Variants in GABRA2 observed in about 807,000 individuals in gnomAD.
The protein encoded by GABRA2 is gamma-aminobutyric acid receptor subunit alpha-2.
Under a neutral mutation model 48.7 loss-of-function variants are expected in GABRA2, and 16 were observed. The ratio of observed to expected loss-of-function variants is 0.33; its 90% CI spans 0.22 to 0.50. The LOEUF is 0.50. Ranked by LOEUF, GABRA2 falls within the 20% of genes least tolerant of loss-of-function variation. The probability of loss-of-function intolerance (pLI) is 0.98; values close to 1 mark genes in which losing one functional copy is unlikely to be tolerated. For synonymous variants in GABRA2, 185 were observed against 184.5 expected, an observed-to-expected ratio of 1.00 and a Z score of -0.02; for missense variants, 275 against 535.6, an observed-to-expected ratio of 0.51 and a Z score of 4.80.
chr4:46,251,871 A>T (rs111514005), intron 9 of GABRA2, among the ~76,000 whole-genome samples: 1,883 of 151,588 alleles, frequency 0.012, 45 homozygotes, highest in African/African-American at 0.043. Flanking sequence ...ATAATACATC[A>T]GTGAAATAAT....
chr4:46,374,983 T>C (rs1033591631), intron 3 of GABRA2, among the ~76,000 whole-genome samples: 3 of 152,100 alleles, frequency 2.0e-5, no homozygotes, highest in Non-Finnish European at 4.4e-5. Flanking sequence ...TATGAAACCA[T>C]TTTCAATTTT....
At chr4:46,313,692 G>T (rs1163865822) in intron 4 of GABRA2, among the ~76,000 whole-genome samples, 1 of 151,498 alleles carries the variant, frequency 6.6e-6, no homozygotes, top group African/African-American at 2.4e-5. Context: ...CAATCCATTG[G>T]ATATTAATTT....
chr4:46,322,148 G>T (rs1342119111), intron 4 of GABRA2, among the ~76,000 whole-genome samples: 2 of 151,828 alleles, frequency 1.3e-5, no homozygotes, highest in Non-Finnish European at 2.9e-5. Flanking sequence ...GTAGATCTTG[G>T]CCTGTCTCCA....
At chr4:46,381,116 T>A (rs1716697200) in intron 3 of GABRA2, among the ~76,000 whole-genome samples, 1 of 152,172 alleles carries the variant, frequency 6.6e-6, no homozygotes, top group African/African-American at 2.4e-5. Flanking sequence ...CCAGGCTGAA[T>A]CTATAATTTA....
chr4:46,260,768 C>G (rs1396957129), intron 9 of GABRA2: 1 of 151,748 alleles, frequency 6.6e-6, no homozygotes, highest in Admixed American at 6.6e-5. Context: ...CAAAATGGAC[C>G]AGATTCCTTT....
At chr4:46,374,382 T>C (rs1348997711) in intron 3 of GABRA2, among the ~76,000 whole-genome samples, 1 of 152,170 alleles carries the variant, frequency 6.6e-6, no homozygotes, top group Non-Finnish European at 1.5e-5. Context: ...TCTAAAAGCA[T>C]CTGATCCCTT....
chr4:46,384,155 G>T (rs1211900964), intron 3 of GABRA2, among the ~76,000 whole-genome samples: 1 of 152,126 alleles, frequency 6.6e-6, no homozygotes, highest in Non-Finnish European at 1.5e-5. Context: ...AGACCTGTCT[G>T]CCTCCAAGGA....
intron 4 of GABRA2, among the ~76,000 whole-genome samples, chr4:46,323,905 G>GA (rs1294210001): frequency 6.6e-6 from 1 of 151,768 alleles, no homozygotes; most frequent in African/African-American, 2.4e-5. Context: ...ACAAGAACAG[G>GA]AAAAAACATG....
chr4:46,379,444 C>A (rs559516096), intron 3 of GABRA2, among the ~76,000 whole-genome samples: 1 of 152,292 alleles, frequency 6.6e-6, no homozygotes, highest in South Asian at 2.1e-4. Flanking sequence ...TGATATCAGT[C>A]ATTTACACTT....
intron 9 of GABRA2, among the ~76,000 whole-genome samples, chr4:46,253,351 A>C (rs550278342): frequency 1.7e-3 from 263 of 151,518 alleles, no homozygotes; most frequent in Non-Finnish European, 3.2e-3. Context: ...TACTCTGACC[A>C]ATCAGAACTG....
intron 8 of GABRA2, among the ~76,000 whole-genome samples, chr4:46,262,759 G>A (rs493592): frequency 0.63 from 95,175 of 151,704 alleles, 30,545 homozygotes; most frequent in South Asian, 0.76. Flanking sequence ...TTAGCCCAGC[G>A]TGGTGGCAGG....
Position 46,309,109 on chromosome 4 carries a change from G to A in GABRA2, c.559+1064C>T, listed in dbSNP as rs191241927. Among the ~76,000 whole-genome samples, 497 of 152,194 alleles carry A rather than the reference G, an allele frequency of 3.3e-3. 1 individual carries two copies. Among genetic ancestry groups the A allele is most frequent in the African/African-American group, 0.011 (447 of 41,552 alleles). On this transcript the variant is annotated intron_variant, in intron 6 of 9. Coordinates refer to ENST00000381620, the MANE Select transcript of GABRA2 (RefSeq NM_000807.4). ...TATGGTTTCCATGACAATAAAAGAA[G>A]CCTTTGTAGTTAAATAAAGAGAAGA...
intron 7 of GABRA2, 36 bp downstream of exon 7, chr4:46,305,532 T>G: frequency 6.3e-7 from 1 of 1,595,462 alleles, no homozygotes; most frequent in East Asian, 2.2e-5. Flanking sequence ...TTAATATTCT[T>G]AGGCACCAGC....
At chr4:46,265,486 TTA>T (rs71193857) in intron 8 of GABRA2, among the ~76,000 whole-genome samples, 4,918 of 131,050 alleles carry the variant, frequency 0.038, 426 homozygotes, top group African/African-American at 0.17. Context: ...TGTGTATATA[TTA>T]TATATATATA....
At chr4:46,320,857 A>C (rs1418083521) in intron 4 of GABRA2, among the ~76,000 whole-genome samples, 1 of 151,908 alleles carries the variant, frequency 6.6e-6, no homozygotes, top group East Asian at 1.9e-4. Flanking sequence ...AAAATGTTAA[A>C]AGCAGAATCT....
chr4:46,324,394 G>C (rs576266545), intron 4 of GABRA2, among the ~76,000 whole-genome samples: 1 of 151,896 alleles, frequency 6.6e-6, no homozygotes, highest in African/African-American at 2.4e-5. Flanking sequence ...TATGGTAGTA[G>C]CAACAGTGGA....
intron 3 of GABRA2, among the ~76,000 whole-genome samples, chr4:46,371,508 C>T (rs1306844659): frequency 2.6e-5 from 4 of 152,142 alleles, no homozygotes; most frequent in East Asian, 1.9e-4. Flanking sequence ...GTATCCAATA[C>T]ATTTTTTTAT....
At chr4:46,365,810 C>T (rs1190669389) in intron 3 of GABRA2, 2 of 152,014 alleles carry the variant, frequency 1.3e-5, no homozygotes, top group African/African-American at 2.4e-5. Context: ...ATAAGATGTA[C>T]ATGGGTCAAA....
chr4:46,264,254 A>G (rs1717654197), intron 8 of GABRA2, among the ~76,000 whole-genome samples: 1 of 152,060 alleles, frequency 6.6e-6, no homozygotes, highest in Non-Finnish European at 1.5e-5. Context: ...TCTATAAATA[A>G]GATCATGCAA....
Sources: allele counts gnomAD v4.1 joint callset (sites outside exome capture counted in the v4.1 genomes callset), GRCh38; gene constraint gnomAD v4.1.1; transcripts MANE v1.5; gene names NCBI Gene and HGNC (gene_info 2026-07-23, HGNC 2026-07-21).